Variants in ERC1 observed in about 807,000 individuals in gnomAD.
ERC1 encodes the protein ELKS/RAB6-interacting/CAST family member 1.
In ERC1, 56 loss-of-function variants were observed where a neutral mutation model predicts 132.0. The ratio of observed to expected loss-of-function variants is 0.42; its 90% CI spans 0.34 to 0.53. The LOEUF (loss-of-function observed/expected upper bound fraction) is 0.53. ERC1 is among the 20% of genes least tolerant of loss of function. The pLI is 0.03. For synonymous variants in ERC1, 478 were observed against 476.1 expected (o/e 1.00, Z -0.05); for missense variants, 1,202 against 1,349.9 (o/e 0.89, Z 1.72).
chr12:1,394,857 G>C (rs531876864), intron 16 of ERC1, among the ~76,000 whole-genome samples: 8 of 152,306 alleles, frequency 5.3e-5, no homozygotes, highest in Admixed American at 5.2e-4. Context: ...TGTGAGAGCA[G>C]ACTAATACAC....
At chr12:1,183,999 G>T (rs910339044) in intron 11 of ERC1, among the ~76,000 whole-genome samples, 2 of 152,064 alleles carry the variant, frequency 1.3e-5, no homozygotes, top group African/African-American at 4.8e-5. Flanking sequence ...AGCCAGGCTT[G>T]GTGGCGCAGG....
chr12:1,116,802 C>T (rs949975474), intron 7 of ERC1, among the ~76,000 whole-genome samples: 5 of 151,952 alleles, frequency 3.3e-5, no homozygotes, highest in East Asian at 1.9e-4. Flanking sequence ...AGGCTGGTCT[C>T]GAACTCCTGA....
chr12:1,114,459 G>A (rs1946233950), intron 6 of ERC1, among the ~76,000 whole-genome samples: 1 of 150,762 alleles, frequency 6.6e-6, no homozygotes. Context: ...CGTGATTGGA[G>A]GTAGCTGGAA....
intron 3 of ERC1, among the ~76,000 whole-genome samples, chr12:1,098,874 C>G (rs138344456): frequency 2.6e-5 from 4 of 152,132 alleles, no homozygotes; most frequent in Non-Finnish European, 5.9e-5. Context: ...GGTCACTGGT[C>G]TAATTTAGAC....
intron 15 of ERC1, among the ~76,000 whole-genome samples, chr12:1,295,705 A>G (rs1042720110): frequency 9.2e-5 from 14 of 152,036 alleles, no homozygotes; most frequent in Admixed American, 2.0e-4. Context: ...GGGTAGACCA[A>G]ATTTGGACAA....
At chr12:1,227,884 C>T (rs1040312157) in intron 12 of ERC1, among the ~76,000 whole-genome samples, 2 of 152,164 alleles carry the variant, frequency 1.3e-5, no homozygotes, top group African/African-American at 4.8e-5. Context: ...TATCCAGTTT[C>T]CCCAACACCA....
At chr12:1,019,378 G>A (rs376206548) in intron 1 of ERC1, among the ~76,000 whole-genome samples, 12 of 152,178 alleles carry the variant, frequency 7.9e-5, no homozygotes, top group African/African-American at 2.7e-4. Flanking sequence ...TCCTGCCTCG[G>A]GTTCCCGAAG....
chr12:1,275,673 T>C (rs1269673723), intron 14 of ERC1, among the ~76,000 whole-genome samples: 3 of 152,186 alleles, frequency 2.0e-5, no homozygotes, highest in Non-Finnish European at 4.4e-5. Context: ...ATTTCTACGC[T>C]TCTTATCACG....
intron 16 of ERC1, 73 bp from the exon 17 acceptor site, chr12:1,408,076 A>G (rs2091621778): frequency 4.9e-6 from 5 of 1,027,700 alleles, no homozygotes; most frequent in Admixed American, 2.0e-5. Flanking sequence ...TGGAACTCTT[A>G]AAATACTCGT....
At chr12:1,042,623 C>G (rs1970437652) in intron 2 of ERC1, among the ~76,000 whole-genome samples, 1 of 152,076 alleles carries the variant, frequency 6.6e-6, no homozygotes, top group African/African-American at 2.4e-5. Context: ...CAGGTGTGAG[C>G]CACCGCACTC....
chr12:1,424,529 T>TG (rs1390517019), intron 17 of ERC1, among the ~76,000 whole-genome samples: 1 of 152,128 alleles, frequency 6.6e-6, no homozygotes, highest in African/African-American at 2.4e-5. Flanking sequence ...AAAGAACCAT[T>TG]GGGAAAAAAG....
At chr12:1,400,916 ATTTTTTTTTTTTTTTTTT>A (rs869202443) in intron 16 of ERC1, among the ~76,000 whole-genome samples, 7 of 15,040 alleles carry the variant, frequency 4.7e-4, no homozygotes, top group East Asian at 3.4e-3. Context: ...CTATTTTTGT[ATTTTTTTTTTTTTTTTTT>A]TTTTTTTTTT....
intron 2 of ERC1, among the ~76,000 whole-genome samples, chr12:1,033,912 G>A (rs1968568584): frequency 6.6e-6 from 1 of 152,236 alleles, no homozygotes; most frequent in Admixed American, 6.5e-5. Context: ...TTACAGGCAT[G>A]AGTCACCATG....
chr12:1,068,124 T>C (rs943691400), intron 2 of ERC1, among the ~76,000 whole-genome samples: 18 of 131,904 alleles, frequency 1.4e-4, no homozygotes, highest in African/African-American at 4.5e-4. Flanking sequence ...TAGAGATGGG[T>C]TTTCTCCATC....
At chr12:1,267,853 CAG>C (rs1401032238) in intron 14 of ERC1, among the ~76,000 whole-genome samples, 2 of 152,134 alleles carry the variant, frequency 1.3e-5, no homozygotes, top group Non-Finnish European at 2.9e-5. Context: ...CAGTGATAAA[CAG>C]TAATATTTTT....
Position 1,181,971 on chromosome 12 carries a change from G to T in ERC1, c.1922G>T (p.Arg641Leu). The change falls in exon 10 of 19, where the codon CGA (arginine) becomes CTA (leucine). Residue 641 changes from arginine to leucine, a missense_variant. Coordinates refer to ENST00000360905, the MANE Select transcript of ERC1 (RefSeq NM_178040.4). ...RLKEQRDRDE[R>L]EKQEEIDNYK... ...AAGGAGCAGAGGGACAGAGATGAGC[G>T]AGAGAAGCAAGAGGAAATTGATAAC... is the stretch of plus-strand genomic sequence containing the variant. The T allele has an allele frequency of 6.2e-7, 1 of 1,614,028 alleles. No individual in the cohort carries two copies. The highest frequency in any genetic ancestry group is 8.5e-7 in the Non-Finnish European group (1 of 1,179,946).
intron 17 of ERC1, among the ~76,000 whole-genome samples, chr12:1,423,810 T>G (rs2092517666): frequency 6.6e-6 from 1 of 152,238 alleles, no homozygotes; most frequent in Admixed American, 6.5e-5. Context: ...AAACTGGCCT[T>G]CTTACCACTG....
chr12:1,181,845 G>T, intron 9 of ERC1, 80 bp from the exon 10 acceptor site: 40 of 1,298,908 alleles, frequency 3.1e-5, no homozygotes, highest in Non-Finnish European at 3.6e-5. Flanking sequence ...ATAGAAGTTT[G>T]AAATTCTGCT....
At chr12:1,487,365 C>T (rs1230224867) in intron 18 of ERC1, among the ~76,000 whole-genome samples, 4 of 139,268 alleles carry the variant, frequency 2.9e-5, no homozygotes, top group African/African-American at 2.7e-5. Context: ...TGGTGCCAAG[C>T]ATCTAGATTT....
Sources: gnomAD v4.1 joint callset for allele counts (sites outside exome capture counted in the v4.1 genomes callset) on GRCh38, gnomAD v4.1.1 for gene constraint, MANE v1.5 for transcripts, NCBI Gene and HGNC (gene_info 2026-07-23, HGNC 2026-07-21) for gene names.